The following TMEM117 variants were observed in gnomAD, a reference collection of about 807,000 sequenced individuals.
The protein encoded by TMEM117 is transmembrane protein 117.
In TMEM117, 27 loss-of-function variants were observed where a neutral mutation model predicts 52.4. The ratio of observed to expected loss-of-function variants is 0.51; its 90% CI spans 0.38 to 0.71. The LOEUF (loss-of-function observed/expected upper bound fraction) is 0.71, where lower values mean the gene tolerates loss of function less well. TMEM117 is among the 30% of genes least tolerant of loss of function. The pLI is 0.00. For synonymous variants in TMEM117, 215 were observed against 206.3 expected (o/e 1.04, Z -0.36); for missense variants, 556 against 630.5 (o/e 0.88, Z 1.26).
chr12:44,142,369 AGTTAT>A (rs1484497132), intron 3 of TMEM117, among the ~76,000 whole-genome samples: 1 of 152,162 alleles, frequency 6.6e-6, no homozygotes, highest in Non-Finnish European at 1.5e-5. Context: ...GTTGAAAAAG[AGTTAT>A]GTTAAGAATT....
chr12:43,953,405 T>C (rs1393001975), intron 3 of TMEM117, among the ~76,000 whole-genome samples: 1 of 152,102 alleles, frequency 6.6e-6, no homozygotes, highest in Non-Finnish European at 1.5e-5. Flanking sequence ...TCAAGAGACA[T>C]ATCTCATGTG....
At chr12:44,217,435 G>A (rs1031648663) in intron 5 of TMEM117, among the ~76,000 whole-genome samples, 8 of 152,152 alleles carry the variant, frequency 5.3e-5, no homozygotes, top group African/African-American at 1.9e-4. Context: ...AGCACTGCTG[G>A]TTACATAGTG....
At chr12:44,088,658 T>C (rs1046997604) in intron 3 of TMEM117, among the ~76,000 whole-genome samples, 1 of 152,218 alleles carries the variant, frequency 6.6e-6, no homozygotes, top group Non-Finnish European at 1.5e-5. Context: ...TCAAGGTTAA[T>C]CTGAAGATGT....
chr12:44,072,957 G>T lies in TMEM117; in HGVS notation c.411-70568G>T, dbSNP rs953537756. Among the ~76,000 whole-genome samples, 10 of 152,152 alleles carry T rather than the reference G, an allele frequency of 6.6e-5. No homozygotes were observed. The South Asian group carries it at 2.1e-3, about 32-fold the overall frequency. The stretch of plus-strand genomic sequence containing the variant: ...ATACAAAAATTAGCTGGGCATGGTG[G>T]TGTGTGCCTGTAGTCCCACTTACTC... On this transcript the variant is annotated intron_variant, in intron 3 of 7. Transcript: ENST00000266534.
intron 4 of TMEM117, among the ~76,000 whole-genome samples, chr12:44,168,334 A>G (rs1384645236): frequency 6.6e-6 from 1 of 152,076 alleles, no homozygotes; most frequent in Non-Finnish European, 1.5e-5. Flanking sequence ...CCTCCCCCAA[A>G]TATTGTTTTA....
At chr12:44,263,601 A>T (rs1167096872) in intron 5 of TMEM117, 1 of 152,238 alleles carries the variant, frequency 6.6e-6, no homozygotes, top group Non-Finnish European at 1.5e-5. Context: ...CCAAATGCCC[A>T]TCAGTGATAG....
At chr12:44,370,871 A>G (rs1242315727) in intron 6 of TMEM117, among the ~76,000 whole-genome samples, 1 of 152,174 alleles carries the variant, frequency 6.6e-6, no homozygotes, top group Non-Finnish European at 1.5e-5. Flanking sequence ...TTCTTACTAT[A>G]TACTGAGCAT....
intron 3 of TMEM117, among the ~76,000 whole-genome samples, chr12:43,970,604 A>C (rs908731379): frequency 2.0e-5 from 3 of 152,156 alleles, no homozygotes; most frequent in Non-Finnish European, 4.4e-5. Context: ...ACTTTATTAT[A>C]AAGTATTGTT....
At chr12:43,844,531 TTTTTATGGA>T in intron 1 of TMEM117, 84 bp from the exon 2 acceptor site, 1 of 1,188,788 alleles carries the variant, frequency 8.4e-7, no homozygotes, top group Non-Finnish European at 1.2e-6. Context: ...TCCAAATACA[TTTTTATGGA>T]ACTGTTATAA....
At chr12:43,918,826 G>T (rs1944647129) in intron 2 of TMEM117, among the ~76,000 whole-genome samples, 1 of 152,156 alleles carries the variant, frequency 6.6e-6, no homozygotes, top group Non-Finnish European at 1.5e-5. Context: ...AGTCTCAATT[G>T]ACCATCACAT....
chr12:43,805,178 T>A, the TMEM117 span, among the ~76,000 whole-genome samples: 5 of 152,262 alleles, frequency 3.3e-5, no homozygotes, highest in African/African-American at 9.6e-5. Context: ...AATTTCGTTC[T>A]AATTTCGTTC....
intron 2 of TMEM117, among the ~76,000 whole-genome samples, chr12:43,920,057 T>C (rs1944666618): frequency 6.6e-6 from 1 of 152,040 alleles, no homozygotes; most frequent in African/African-American, 2.4e-5. Flanking sequence ...CCCATGTCAA[T>C]AGTTAATCTC....
chr12:44,079,047 C>T (rs1022129508), intron 3 of TMEM117, among the ~76,000 whole-genome samples: 47 of 152,054 alleles, frequency 3.1e-4, no homozygotes, highest in African/African-American at 1.1e-3. Context: ...TGAACTCATC[C>T]TTTTTTTATG....
chr12:43,916,493 TA>T (rs1944605447), intron 2 of TMEM117, among the ~76,000 whole-genome samples: 1 of 152,218 alleles, frequency 6.6e-6, no homozygotes, highest in East Asian at 1.9e-4. Flanking sequence ...ATATCATGTA[TA>T]AGCACATCTT....
intron 3 of TMEM117, among the ~76,000 whole-genome samples, chr12:44,002,486 A>T (rs73087628): frequency 0.04 from 6,141 of 152,174 alleles, 202 homozygotes; most frequent in African/African-American, 0.089. Flanking sequence ...AGATACCCAG[A>T]GCCTGAGGAG....
intron 4 of TMEM117, among the ~76,000 whole-genome samples, chr12:44,154,036 CT>C (rs1238927597): frequency 2.6e-5 from 4 of 151,960 alleles, no homozygotes; most frequent in Admixed American, 2.6e-4. Flanking sequence ...TAAATAACTT[CT>C]TTTTTTCCTT....
At chr12:44,021,926 G>A (rs1043670753) in intron 3 of TMEM117, among the ~76,000 whole-genome samples, 2 of 152,124 alleles carry the variant, frequency 1.3e-5, no homozygotes, top group African/African-American at 4.8e-5. Flanking sequence ...TTGGGGTCTT[G>A]CCTTTTCTGT....
chr12:44,330,088 C>T (rs1300337311), intron 6 of TMEM117, among the ~76,000 whole-genome samples: 1 of 151,882 alleles, frequency 6.6e-6, no homozygotes, highest in East Asian at 1.9e-4. Flanking sequence ...TGAGGAAGTG[C>T]CGTACCGTTT....
intron 3 of TMEM117, among the ~76,000 whole-genome samples, chr12:44,013,087 G>A (rs1420358946): frequency 2.6e-5 from 4 of 151,150 alleles, no homozygotes; most frequent in South Asian, 2.1e-4. Context: ...CAGTAATGGC[G>A]TGAACAGGGC....
Sources: gnomAD v4.1 joint callset for allele counts (sites outside exome capture counted in the v4.1 genomes callset) on GRCh38, gnomAD v4.1.1 for gene constraint, MANE v1.5 for transcripts, NCBI Gene and HGNC (gene_info 2026-07-23, HGNC 2026-07-21) for gene names.